Variants in CDH18 observed in about 807,000 individuals in gnomAD.
CDH18 encodes the protein cadherin 18.
A neutral mutation model predicts 67.9 loss-of-function variants in CDH18; 31 were observed. The ratio of observed to expected loss-of-function variants is 0.46; its 90% confidence interval spans 0.34 to 0.62. CDH18 has a LOEUF of 0.62. Ranked by LOEUF, CDH18 falls within the 20% of genes least tolerant of loss-of-function variation. The pLI is 0.01. For synonymous variants in CDH18, 362 were observed against 347.2 expected, an observed-to-expected ratio of 1.04 and a Z score of -0.48; for missense variants, 890 against 975.5, an observed-to-expected ratio of 0.91 and a Z score of 1.17.
intron 1 of CDH18, among the ~76,000 whole-genome samples, chr5:20,536,163 C>T (rs1756703018): frequency 6.6e-6 from 1 of 152,154 alleles, no homozygotes; most frequent in African/African-American, 2.4e-5. Context: ...GACTTTCTTA[C>T]AGCAGTTTAC....
chr5:20,060,134 T>G (rs1397969435), intron 2 of CDH18, among the ~76,000 whole-genome samples: 1 of 152,164 alleles, frequency 6.6e-6, no homozygotes, highest in Admixed American at 6.6e-5. Flanking sequence ...TAAAAAAAAC[T>G]TATTAGAACT....
chr5:20,525,207 G>A (rs566896179), intron 1 of CDH18, among the ~76,000 whole-genome samples: 6 of 152,188 alleles, frequency 3.9e-5, no homozygotes, highest in Admixed American at 2.6e-4. Context: ...TTCTTGCTGG[G>A]GGGACTGCTG....
rs573984118 is a variant in CDH18, at chr5:19,762,533, C to A, written c.229-15297G>T. 9.2e-5 allele frequency among the ~76,000 whole-genome samples: 14 copies of A among 152,120 alleles called. 1 individual carries two copies. The South Asian group carries it at 2.9e-3, about 32-fold the overall frequency. ...CCATCAGAGAAATGCAAATCAAAAC[C>A]ACACCAGTGGTTTTGATACCACTCA... On this transcript the variant is annotated intron_variant, in intron 3 of 12. Coordinates refer to ENST00000382275, the MANE Select transcript of CDH18 (RefSeq NM_004934.5).
At position 19,839,049 on chromosome 5, in the gene CDH18, G is replaced by C; in HGVS notation, c.-63C>G. ...TCCTTGTCAGCTACGAAAGCTTAGTGAGCATTCAAGAGAGAAGCCAGAGCA... is the reference window on the plus strand; with the variant it reads ...TCCTTGTCAGCTACGAAAGCTTAGTCAGCATTCAAGAGAGAAGCCAGAGCA... On this transcript the variant is annotated 5_prime_UTR_variant, in exon 3 of 13. Coordinates refer to ENST00000382275, the MANE Select transcript of CDH18 (RefSeq NM_004934.5). The C allele has an allele frequency of 7.9e-7, 1 of 1,269,302 alleles. No homozygotes were observed. The highest frequency in any genetic ancestry group is 1.1e-6 in the Non-Finnish European group (1 of 873,556). 78.6% of individuals were successfully genotyped at this position (1,269,302 alleles called of 1,614,324 possible). A position where few individuals can be genotyped will look rare whatever the true frequency, so the allele number is the denominator to read the frequency against.
chr5:20,550,454 A>G (rs1393429556), intron 1 of CDH18, among the ~76,000 whole-genome samples: 5 of 152,200 alleles, frequency 3.3e-5, no homozygotes, highest in African/African-American at 9.6e-5. Context: ...TTTTTAAAGT[A>G]ATAATATAGC....
chr5:20,016,922 G>T (rs1737930531), intron 2 of CDH18, among the ~76,000 whole-genome samples: 1 of 152,088 alleles, frequency 6.6e-6, no homozygotes, highest in Admixed American at 6.5e-5. Flanking sequence ...TACCATGAAT[G>T]TACATTTGTA....
At chr5:20,569,007 C>A (rs1035617870) in intron 1 of CDH18, among the ~76,000 whole-genome samples, 7 of 152,148 alleles carry the variant, frequency 4.6e-5, no homozygotes, top group Middle Eastern at 3.2e-3. Context: ...GCATAATGCA[C>A]CCATATTCAT....
intron 2 of CDH18, among the ~76,000 whole-genome samples, chr5:19,891,152 A>G (rs1021805790): frequency 6.6e-6 from 1 of 152,104 alleles, no homozygotes; most frequent in African/African-American, 2.4e-5. Flanking sequence ...CCTGTTCTAA[A>G]TGATATAGTC....
intron 3 of CDH18, among the ~76,000 whole-genome samples, chr5:19,808,810 T>A (rs1778319174): frequency 8.6e-6 from 1 of 115,804 alleles, no homozygotes; most frequent in Non-Finnish European, 1.6e-5. Context: ...CCAGCCTGGG[T>A]GACAAGAGCG....
At chr5:20,433,570 T>G (rs1748942771) in intron 1 of CDH18, among the ~76,000 whole-genome samples, 1 of 152,092 alleles carries the variant, frequency 6.6e-6, no homozygotes, top group Admixed American at 6.6e-5. Context: ...TATGTTATTA[T>G]GTTTAAAACA....
chr5:20,285,543 T>A (rs1436671246), intron 1 of CDH18, among the ~76,000 whole-genome samples: 1 of 151,140 alleles, frequency 6.6e-6, no homozygotes, highest in African/African-American at 2.4e-5. Flanking sequence ...TTCATTTTAT[T>A]TTCTCTTCCG....
At chr5:20,033,325 T>C (rs1221046728) in intron 2 of CDH18, among the ~76,000 whole-genome samples, 1 of 152,040 alleles carries the variant, frequency 6.6e-6, no homozygotes, top group African/African-American at 2.4e-5. Context: ...GAATGCTATC[T>C]TCTGAAGGAC....
intron 4 of CDH18, among the ~76,000 whole-genome samples, chr5:19,729,426 T>C (rs1767297639): frequency 6.6e-6 from 1 of 152,222 alleles, no homozygotes; most frequent in Admixed American, 6.5e-5. Context: ...TTTTGATATG[T>C]AGCAGTCTTT....
chr5:20,320,063 T>G (rs1032132762), intron 1 of CDH18, among the ~76,000 whole-genome samples: 2 of 152,204 alleles, frequency 1.3e-5, no homozygotes, highest in African/African-American at 4.8e-5. Context: ...CTACTGTGAA[T>G]TGTGCCATAT....
At chr5:20,064,414 C>T (rs1278416837) in intron 2 of CDH18, among the ~76,000 whole-genome samples, 1 of 152,134 alleles carries the variant, frequency 6.6e-6, no homozygotes, top group Non-Finnish European at 1.5e-5. Flanking sequence ...GTTTCTTGCT[C>T]TTAATCAGGG....
intron 2 of CDH18, among the ~76,000 whole-genome samples, chr5:20,091,364 AC>A (rs1264414315): frequency 6.6e-6 from 1 of 151,650 alleles, no homozygotes; most frequent in Non-Finnish European, 1.5e-5. Flanking sequence ...AGTGTCATGC[AC>A]CTGTAGTCCC....
chr5:19,562,058 A>G (rs1408857607), intron 8 of CDH18, among the ~76,000 whole-genome samples: 1 of 152,184 alleles, frequency 6.6e-6, no homozygotes, highest in Non-Finnish European at 1.5e-5. Flanking sequence ...TTTCCTTTGG[A>G]TCAGAACACA....
At chr5:20,002,959 CAAA>C (rs1325779187) in intron 2 of CDH18, among the ~76,000 whole-genome samples, 2 of 100,734 alleles carry the variant, frequency 2.0e-5, no homozygotes. Context: ...GGAAACCAAC[CAAA>C]AAAAAAAAAA....
rs1397914842 is a variant in CDH18, at chr5:20,426,856, G to T, written c.-580+148606C>A. Among the ~76,000 whole-genome samples, 2 of 151,022 alleles carry T rather than the reference G, an allele frequency of 1.3e-5. 1 individual carries two copies. Among genetic ancestry groups the T allele is most frequent in the African/African-American group, 4.9e-5 (2 of 40,420 alleles). Reference sequence around the variant, plus strand: ...GCAAACAATTTGCAGGGCTGACAAGGGTATGGCTTCTGTAAAATCTGGCTA... The same window carrying T: ...GCAAACAATTTGCAGGGCTGACAAGTGTATGGCTTCTGTAAAATCTGGCTA... On this transcript the variant is annotated intron_variant, in intron 1 of 14. Coordinates refer to the CDH18 transcript ENST00000507958.
Sources: gnomAD v4.1 joint callset for allele counts (sites outside exome capture counted in the v4.1 genomes callset) on GRCh38, gnomAD v4.1.1 for gene constraint, MANE v1.5 for transcripts, NCBI Gene and HGNC (gene_info 2026-07-23, HGNC 2026-07-21) for gene names.